The following C8orf76 variants were observed in gnomAD, a reference collection of about 807,000 sequenced individuals.
C8orf76 encodes chromosome 8 open reading frame 76, also known as uncharacterized protein C8orf76.
Under a neutral mutation model 38.1 loss-of-function variants are expected in C8orf76, and 46 were observed. The ratio of observed to expected loss-of-function variants is 1.21; its 90% CI spans 0.95 to 1.54. C8orf76 has a LOEUF of 1.54. Among genes scored for constraint, C8orf76 ranks in the 40% most tolerant of loss-of-function variants. The pLI is 0.00. For synonymous variants in C8orf76, 166 were observed against 167.5 expected, an observed-to-expected ratio of 0.99 and a Z score of 0.07; for missense variants, 461 against 441.6, an observed-to-expected ratio of 1.04 and a Z score of -0.39.
chr8:123,228,374 A>C (rs1825122607), intron 4 of C8orf76, among the ~76,000 whole-genome samples: 1 of 152,032 alleles, frequency 6.6e-6, no homozygotes. Flanking sequence ...TAATCCCAGC[A>C]CTTTGGGAGG....
In C8orf76 at chr8:123,220,146, G is replaced by C. The variant is rs1824862088; in HGVS notation, c.1100C>G (p.Pro367Arg). Residue 367 changes from proline (P) to arginine (R), a missense_variant, in exon 6 of 6, where the codon CCA becomes CGA. Coordinates refer to ENST00000276704, the MANE Select transcript of C8orf76 (RefSeq NM_032847.3). ...CTCTGTATGGAACTGATTTTCAAAT[G>C]GACAGAAATGGTCTTTGATCTTTCT... ...WFRKIKDHFC[P>R]FENQFHTEIQ... 1 of 1,611,986 alleles carries C rather than the reference G, an allele frequency of 6.2e-7. No individual in the cohort carries two copies. The highest frequency in any genetic ancestry group is 2.2e-5 in the East Asian group (1 of 44,864).
At position 123,226,469 on chromosome 8, in the gene C8orf76, C is replaced by T. The variant is rs755112917; in HGVS notation, c.948+31G>A. ...GCCAGGGAAAATATCTATGATGCTT[C>T]GTTTCACATAAACCCGAGGGATACA... On this transcript the variant is annotated intron_variant, in intron 5 of 5. Coordinates refer to ENST00000276704, the MANE Select transcript of C8orf76 (RefSeq NM_032847.3). The T allele has an allele frequency of 1.1e-5, 17 of 1,602,958 alleles. No individual in the cohort carries two copies. The East Asian group carries it at 1.6e-4, about 15-fold the overall frequency.
rs1454672529 is a variant in C8orf76 at position 123,241,129 on chromosome 8, G to A, written c.117+101C>T. The A allele has an allele frequency of 2.6e-5, 32 of 1,248,542 alleles. 1 individual carries two copies. The highest frequency in any genetic ancestry group is 3.2e-5 in the Non-Finnish European group (30 of 943,560). The allele number at this position is 1,248,542 out of a possible 1,614,324, so 77.3% of individuals were successfully genotyped here. On this transcript the variant is annotated intron_variant, in intron 1 of 5. Transcript: ENST00000276704. ...GCGGCGGGCGCTGGAGCCTGCCAGG[G>A]TTTGCGTTCGCGCGGACGGAGGGGC...
In C8orf76 at chr8:123,231,617, G is replaced by C. The variant is rs756721731; in HGVS notation, c.498C>G (p.Asn166Lys). The stretch of plus-strand genomic sequence containing the variant: ...GGTAAGCCTCTGCCAATTTGCCCCA[G>C]TTCCAAGGATTAAAAGGATGCAAAG... ...LISLHPFNPW[N>K]WGKLAEAYLN... The change falls in exon 4 of 6, where the codon AAC (asparagine) becomes AAG (lysine). Residue 166 changes from asparagine to lysine, a missense_variant. Physicochemically the swap from Asn to Lys is moderately conservative, Grantham distance 94. Coordinates refer to ENST00000276704, the MANE Select transcript of C8orf76 (RefSeq NM_032847.3). 1.2e-5 allele frequency: 19 copies of C among 1,614,096 alleles called. No individual in the cohort carries two copies. The East Asian group carries it at 4.0e-4, about 34-fold the overall frequency.
chr8:123,225,206 C>T (rs1299168882), intron 5 of C8orf76, among the ~76,000 whole-genome samples: 2 of 152,114 alleles, frequency 1.3e-5, no homozygotes, highest in African/African-American at 4.8e-5. Context: ...GGGGTTTCAC[C>T]ATGTTGGCCA....
At chr8:123,234,724 G>T (rs57947342) in intron 3 of C8orf76, among the ~76,000 whole-genome samples, 6,002 of 151,862 alleles carry the variant, frequency 0.04, 382 homozygotes, top group African/African-American at 0.14. Flanking sequence ...AGCCAAGATC[G>T]CGCCACTGCA....
In C8orf76 at chr8:123,241,360, C is replaced by A; in HGVS notation, c.-14G>T. On this transcript the variant is annotated 5_prime_UTR_variant, in exon 1 of 6. Coordinates refer to ENST00000276704, the MANE Select transcript of C8orf76 (RefSeq NM_032847.3). ...CCCGGAATCCATCTCGCGCCCGCGG[C>A]GGGGGCAACGAGGAAGCGGGGCCCG... 1 of 1,544,734 alleles carries A rather than the reference C, an allele frequency of 6.5e-7. No homozygotes were observed. The highest frequency in any genetic ancestry group is 1.4e-5 in the African/African-American group (1 of 69,136).
intron 5 of C8orf76, among the ~76,000 whole-genome samples, chr8:123,225,795 C>G (rs777746629): frequency 3.9e-5 from 6 of 151,994 alleles, no homozygotes; most frequent in Non-Finnish European, 8.8e-5. Flanking sequence ...CGTGGTGGCA[C>G]ATGCCTGTGA....
At position 123,231,707 on chromosome 8, in the gene C8orf76, C is replaced by G. The variant is rs1423301145; in HGVS notation, c.408G>C (p.Gln136His). 1 of 1,612,606 alleles carries G rather than the reference C, an allele frequency of 6.2e-7. No homozygotes were observed. The highest frequency in any genetic ancestry group is 8.5e-7 in the Non-Finnish European group (1 of 1,179,978). ...TCTGCAAACTTGAACAAATAGCAAGCTGGAGGTAGAGTACCGTGGTTAAAT... is the reference window on the plus strand; with the variant it reads ...TCTGCAAACTTGAACAAATAGCAAGGTGGAGGTAGAGTACCGTGGTTAAAT... Reference protein sequence around the residue: ...TDHLTTVLYLQLAICSSLQNL... With the variant: ...TDHLTTVLYLHLAICSSLQNL... Residue 136 changes from glutamine to histidine, a missense_variant, in exon 4 of 6, where the codon CAG becomes CAC. Gln to His is a conservative substitution (Grantham distance 24). Coordinates refer to ENST00000276704, the MANE Select transcript of C8orf76 (RefSeq NM_032847.3).
intron 4 of C8orf76, among the ~76,000 whole-genome samples, chr8:123,231,023 C>T (rs534678512): frequency 6.6e-6 from 1 of 152,198 alleles, no homozygotes; most frequent in Admixed American, 6.5e-5. Flanking sequence ...GTCTCAAATT[C>T]GTGAGCTCAA....
intron 1 of C8orf76, chr8:123,239,472 T>C (rs996883465): frequency 1.5e-5 from 3 of 200,984 alleles, no homozygotes; most frequent in African/African-American, 2.3e-5. Context: ...AGAAGAATTA[T>C]AGATATGGTG....
At position 123,231,506 on chromosome 8, in the gene C8orf76, GGATTT is replaced by G. The variant is rs1563799854; in HGVS notation, c.604_608del (p.Lys202LeufsTer15). On this transcript the variant is annotated frameshift_variant, in exon 4 of 6. Transcript: ENST00000276704. LOFTEE classifies it high-confidence loss of function. Reference sequence around the variant, plus strand: ...AGTCTTTTCCTGAGTGTGGAAAGAAGGATTTGATAGTTTTGTCACTTGAGGTGAAA... The same window carrying G: ...AGTCTTTTCCTGAGTGTGGAAAGAAGGATAGTTTTGTCACTTGAGGTGAAA... The G allele has an allele frequency of 6.2e-7, 1 of 1,614,244 alleles. No homozygotes were observed. Among genetic ancestry groups the G allele is most frequent in the South Asian group, 1.1e-5 (1 of 91,088 alleles).
chr8:123,241,280 G>C lies in C8orf76; in HGVS notation c.67C>G (p.Arg23Gly). 1.3e-6 allele frequency: 2 copies of C among 1,581,360 alleles called. No homozygotes were observed. Among genetic ancestry groups the C allele is most frequent in the Non-Finnish European group, 1.7e-6 (2 of 1,168,364 alleles). The stretch of plus-strand genomic sequence containing the variant: ...TAGGACGCGGGCGGTCCTGACCGCC[G>C]CTCCGGCCTCTCCTCGAACACCGAG... ...EDSVFEERPE[R>G]RSGPPASYCA... The change falls in exon 1 of 6, where the codon CGG (arginine) becomes GGG (glycine). Residue 23 changes from arginine (R) to glycine (G), a missense_variant. Transcript: ENST00000276704.
At position 123,235,129 on chromosome 8, in the gene C8orf76, GA is replaced by G. The variant is rs1336543593; in HGVS notation, c.357+2668del. The stretch of plus-strand genomic sequence containing the variant: ...GAGTGCTGAGTGGATAAATGAAAAG[GA>G]GTCACTTACTACCAGAAAGCCATTT... On this transcript the variant is annotated intron_variant, in intron 3 of 5. Transcript: ENST00000276704. 3.3e-5 allele frequency among the ~76,000 whole-genome samples: 5 copies of G among 152,248 alleles called. No individual in the cohort carries two copies. In the East Asian group the frequency reaches 9.6e-4, roughly 29 times the overall value.
At chr8:123,222,983 G>A (rs1023982244) in intron 5 of C8orf76, among the ~76,000 whole-genome samples, 6 of 152,106 alleles carry the variant, frequency 3.9e-5, no homozygotes, top group Admixed American at 1.3e-4. Flanking sequence ...TAAATCCAGC[G>A]ATTCTATTTC....
intron 5 of C8orf76, among the ~76,000 whole-genome samples, chr8:123,220,684 T>C (rs1016855617): frequency 2.0e-5 from 3 of 152,232 alleles, no homozygotes; most frequent in Admixed American, 6.5e-5. Context: ...CTGTAGCATG[T>C]AGCTGGGCCC....
chr8:123,230,214 A>C lies in C8orf76; in HGVS notation c.815+1086T>G, dbSNP rs531226560. Reference sequence around the variant, plus strand: ...GTGTATTCTCCCTACCCTTCCCTCAAACTCATACTTTAAAGATAAAAAGTA... The same window carrying C: ...GTGTATTCTCCCTACCCTTCCCTCACACTCATACTTTAAAGATAAAAAGTA... On this transcript the variant is annotated intron_variant, in intron 4 of 5. Coordinates refer to ENST00000276704, the MANE Select transcript of C8orf76 (RefSeq NM_032847.3). Among the ~76,000 whole-genome samples the C allele has an allele frequency of 7.2e-5, 11 of 152,166 alleles. No homozygotes were observed. In the South Asian group the frequency reaches 1.9e-3, roughly 26 times the overall value.
intron 5 of C8orf76, among the ~76,000 whole-genome samples, chr8:123,224,531 G>C (rs1434511796): frequency 2.0e-5 from 3 of 152,172 alleles, no homozygotes; most frequent in Non-Finnish European, 4.4e-5. Flanking sequence ...AGGACCACTT[G>C]AGCCTAGGAA....
chr8:123,220,402 A>C lies in C8orf76; in HGVS notation c.949-105T>G, dbSNP rs1824869176. 4 of 823,866 alleles carry C rather than the reference A, an allele frequency of 4.9e-6. No individual in the cohort carries two copies. In the South Asian group the frequency reaches 7.8e-5, roughly 16 times the overall value. The allele number at this position is 823,866 out of a possible 1,614,324, so 51.0% of individuals were successfully genotyped here. On this transcript the variant is annotated intron_variant, in intron 5 of 5. Transcript: ENST00000276704. ...TTCATTCAAAGGCAGAAAATACTTGAGCAGCCAGGGGACATTCCCAACACA... is the reference window on the plus strand; with the variant it reads ...TTCATTCAAAGGCAGAAAATACTTGCGCAGCCAGGGGACATTCCCAACACA...
Sources: allele counts gnomAD v4.1 joint callset (sites outside exome capture counted in the v4.1 genomes callset), GRCh38; gene constraint gnomAD v4.1.1; transcripts MANE v1.5; gene names NCBI Gene and HGNC (gene_info 2026-07-23, HGNC 2026-07-21).